Variants in MYO15A observed in about 807,000 individuals in gnomAD.
MYO15A encodes unconventional myosin-XV.
In MYO15A, 308 loss-of-function variants were observed where a neutral mutation model predicts 394.6. That is an observed-to-expected ratio of 0.78 (90% CI 0.71 to 0.86). The LOEUF (loss-of-function observed/expected upper bound fraction) is 0.86. MYO15A is among the 40% of genes least tolerant of loss of function. MYO15A has a pLI of 0.00. For synonymous variants in MYO15A, 1,957 were observed against 2,003.8 expected (o/e 0.98, Z 0.62); for missense variants, 4,606 against 4,799.1 (o/e 0.96, Z 1.19).
chr17:18,150,678 C>T lies in MYO15A; in HGVS notation c.7328-20C>T. The T allele has an allele frequency of 6.3e-7, 1 of 1,589,912 alleles. No individual in the cohort carries two copies. Among genetic ancestry groups the T allele is most frequent in the Non-Finnish European group, 8.6e-7 (1 of 1,166,824 alleles). On this transcript the variant is annotated intron_variant, in intron 36 of 65. Transcript: ENST00000647165. The surrounding 1 kb of genome is among the most constrained non-coding windows in gnomAD (Gnocchi z 4.4). ...AGGGCATCTCCGGTGCCATCTGTGC[C>T]TTCTGCCCCCTCCCCTCAGTCCCAG...
At chr17:18,124,975 T>C in intron 3 of MYO15A, 193 bp from the exon 4 acceptor site, 1 of 645,350 alleles carries the variant, frequency 1.5e-6, no homozygotes, top group Admixed American at 2.4e-5. Flanking sequence ...ATGATTATCA[T>C]ACCCATTGGA....
chr17:18,156,087 AG>A, intron 47 of MYO15A, 107 bp from the exon 48 acceptor site: 1 of 1,565,018 alleles, frequency 6.4e-7, no homozygotes, highest in South Asian at 1.1e-5. Flanking sequence ...AATGGGGCCA[AG>A]GTGGGGCTGG....
rs779027265 is a variant in MYO15A, at chr17:18,140,585, C to T, written c.5280C>T (p.Ser1760=). ...AAPQRLGKSS[S]VTRLYKAHTV... ...CTCAGCGCCTGGGCAAGAGCAGCTC[C>T]GTCACTCGGCTCTACAAGGCGCACA... The change falls in exon 20 of 66, where the codon TCC becomes TCT. Residue 1760 remains serine (S), a synonymous_variant. Coordinates refer to ENST00000647165, the MANE Select transcript of MYO15A (RefSeq NM_016239.4). The T allele has an allele frequency of 1.2e-5, 20 of 1,613,744 alleles. No individual in the cohort carries two copies. The highest frequency in any genetic ancestry group is 1.4e-5 in the Non-Finnish European group (17 of 1,180,038).
At chr17:18,178,373 A>G (rs1215384989) in intron 65 of MYO15A, 1 of 312,712 alleles carries the variant, frequency 3.2e-6, no homozygotes, top group Non-Finnish European at 6.3e-6. Context: ...CATCTAGGAA[A>G]AAAAAAAAAA....
chr17:18,172,039 A>G, intron 63 of MYO15A, 118 bp from the exon 64 acceptor site: 1 of 1,554,508 alleles, frequency 6.4e-7, no homozygotes, highest in Non-Finnish European at 8.8e-7. Flanking sequence ...GAGGAGACCC[A>G]GACCAAGGGC....
Position 18,122,259 on chromosome 17 carries a change from C to A in MYO15A, c.3459C>A (p.Arg1153=). 6.2e-7 allele frequency: 1 copy of A among 1,613,178 alleles called. No homozygotes were observed. Among genetic ancestry groups the A allele is most frequent in the South Asian group, 1.1e-5 (1 of 91,092 alleles). Residue 1153 remains arginine, a synonymous_variant, in exon 2 of 66, where the codon CGC becomes CGA. Coordinates refer to ENST00000647165, the MANE Select transcript of MYO15A (RefSeq NM_016239.4). ...QDPKPRACSL[R]WSCLWLRADA... ...CCAAGCCAAGAGCCTGTAGTCTTCGCTGGTCCTGCCTCTGGCTTCGGGCAG... is the reference window on the plus strand; with the variant it reads ...CCAAGCCAAGAGCCTGTAGTCTTCGATGGTCCTGCCTCTGGCTTCGGGCAG...
intron 5 of MYO15A, 26 bp downstream of exon 5, chr17:18,126,482 G>A: frequency 1.9e-6 from 3 of 1,593,612 alleles, no homozygotes; most frequent in Non-Finnish European, 2.6e-6. Context: ...GCGCTGCCCT[G>A]GGGTCTCTTG....
chr17:18,163,806 A>G lies in MYO15A; in HGVS notation c.9755A>G (p.Asn3252Ser), dbSNP rs750974612. ...GCTCTGACACGCCCTGAGGCCTTCA[A>G]TGAATATGTTATCTTCGTTGTCACC... Reference protein sequence around the residue: ...EMALTRPEAFNEYVIFVVTNR... With the variant: ...EMALTRPEAFSEYVIFVVTNR... Residue 3252 changes from asparagine (N) to serine (S), a missense_variant, in exon 60 of 66, where the codon AAT (asparagine) becomes AGT (serine). By Grantham distance (46) the Asn-to-Ser change is conservative. This residue lies in a region of MYO15A where 2,776 missense variants were observed against 3,109.3 expected (regional missense o/e 0.89). Coordinates refer to ENST00000647165, the MANE Select transcript of MYO15A (RefSeq NM_016239.4). 49 of 1,613,944 alleles carry G rather than the reference A, an allele frequency of 3.0e-5. No individual in the cohort carries two copies. The highest frequency in any genetic ancestry group is 6.7e-5 in the African/African-American group (5 of 74,942).
At chr17:18,129,338 C>T (rs2046111013) in intron 7 of MYO15A, among the ~76,000 whole-genome samples, 1 of 152,202 alleles carries the variant, frequency 6.6e-6, no homozygotes, top group Non-Finnish European at 1.5e-5. Flanking sequence ...AACAGAGAAG[C>T]AGCCAACCTG....
rs976064074 is a variant in MYO15A at position 18,179,280 on chromosome 17, C to T, written c.*410C>T. On this transcript the variant is annotated 3_prime_UTR_variant, in exon 66 of 66. Coordinates refer to ENST00000647165, the MANE Select transcript of MYO15A (RefSeq NM_016239.4). ...GGTCTGATGTTGGAATCTGCTCCAA[C>T]TCCACACCCTAGCCCTTACATGTCC... 18 of 327,552 alleles carry T rather than the reference C, an allele frequency of 5.5e-5. No homozygotes were observed. The highest frequency in any genetic ancestry group is 1.0e-4 in the Non-Finnish European group (17 of 167,816). The allele number at this position is 327,552 out of a possible 1,614,324, so 20.3% of individuals were successfully genotyped here. A position where few individuals can be genotyped will look rare whatever the true frequency, so the allele number is the denominator to read the frequency against.
intron 35 of MYO15A, 66 bp downstream of exon 35, chr17:18,149,646 C>A: frequency 6.6e-7 from 1 of 1,509,504 alleles, no homozygotes; most frequent in Non-Finnish European, 9.2e-7. Context: ...AAGTCACACA[C>A]TTGTACAGGG....
intron 24 of MYO15A, 59 bp from the exon 25 acceptor site, chr17:18,142,697 T>G: frequency 1.4e-6 from 2 of 1,479,110 alleles, no homozygotes; most frequent in Non-Finnish European, 1.9e-6. Context: ...CTCTCTACCT[T>G]TTGGTCACCC....
chr17:18,173,449 A>C (rs2046969563), intron 64 of MYO15A: 7 of 365,850 alleles, frequency 1.9e-5, no homozygotes, highest in South Asian at 1.7e-4. Flanking sequence ...TTTAAAAAAG[A>C]GGTGGAGGTG....
Position 18,138,260 on chromosome 17 carries a change from A to C in MYO15A, c.5007+14A>C. 6.2e-7 allele frequency: 1 copy of C among 1,611,024 alleles called. No homozygotes were observed. Among genetic ancestry groups the C allele is most frequent in the Non-Finnish European group, 8.5e-7 (1 of 1,179,910 alleles). On this transcript the variant is annotated intron_variant, in intron 17 of 65. Coordinates refer to ENST00000647165, the MANE Select transcript of MYO15A (RefSeq NM_016239.4). ...TGCTTTCCCCAGGTGAGCCGCAGGC[A>C]CTGTGTGAGCCTAGTCAGGTCACAG... is the stretch of plus-strand genomic sequence containing the variant.
chr17:18,113,797 GACACACACACACACACACACAC>G (rs4025536), intron 1 of MYO15A, among the ~76,000 whole-genome samples: 1 of 138,860 alleles, frequency 7.2e-6, no homozygotes, highest in Non-Finnish European at 1.5e-5. Flanking sequence ...CACCTCCCCT[GACACACACACACACACACACAC>G]ACACACACAC....
At position 18,119,570 on chromosome 17, in the gene MYO15A, A is replaced by T; in HGVS notation, c.770A>T (p.Gln257Leu). 1 of 1,606,510 alleles carries T rather than the reference A, an allele frequency of 6.2e-7. No individual in the cohort carries two copies. The highest frequency in any genetic ancestry group is 8.5e-7 in the Non-Finnish European group (1 of 1,179,940). ...CAGTCACTCCACCGCTACGAGGAGC[A>T]GGAACCCTACCTGGCGGGCCTCGGC... ...DRQSLHRYEE[Q>L]EPYLAGLGPY... The change falls in exon 2 of 66, where the codon CAG (glutamine) becomes CTG (leucine). Residue 257 changes from glutamine to leucine, a missense_variant. This residue lies in a region of MYO15A where 1,830 missense variants were observed against 1,689.7 expected (regional missense o/e 1.08). Coordinates refer to ENST00000647165, the MANE Select transcript of MYO15A (RefSeq NM_016239.4).
chr17:18,158,433 A>G (rs1231837580), intron 51 of MYO15A, 90 bp from the exon 52 acceptor site: 8 of 1,163,076 alleles, frequency 6.9e-6, no homozygotes, highest in Non-Finnish European at 1.0e-5. Flanking sequence ...ATCTGGGTCC[A>G]GTCAGCTAGG....
chr17:18,141,657 T>G lies in MYO15A; in HGVS notation c.5536T>G (p.Cys1846Gly), dbSNP rs1216991640. 1 of 1,613,952 alleles carries G rather than the reference T, an allele frequency of 6.2e-7. No homozygotes were observed. Among genetic ancestry groups the G allele is most frequent in the Admixed American group, 1.7e-5 (1 of 60,018 alleles). ...LPFQGFIDRYCCLVALKHDLP... is the reference protein window; with the variant it reads ...LPFQGFIDRYGCLVALKHDLP... Reference sequence around the variant, plus strand: ...TAACTTTGGGCCCCCTACCAGGTACTGCTGTCTAGTGGCCCTCAAGCATGA... The same window carrying G: ...TAACTTTGGGCCCCCTACCAGGTACGGCTGTCTAGTGGCCCTCAAGCATGA... Residue 1846 changes from cysteine (C) to glycine (G), a missense_variant, in exon 23 of 66, where the codon TGC (cysteine) becomes GGC (glycine). This residue lies in a region of MYO15A where 2,776 missense variants were observed against 3,109.3 expected (regional missense o/e 0.89). Coordinates refer to ENST00000647165, the MANE Select transcript of MYO15A (RefSeq NM_016239.4).
chr17:18,119,674 C>T lies in MYO15A; in HGVS notation c.874C>T (p.Pro292Ser). The change falls in exon 2 of 66, where the codon CCC becomes TCC. Residue 292 changes from proline (P) to serine (S), a missense_variant. Physicochemically the swap from Pro to Ser is moderately conservative, Grantham distance 74. This residue lies in a region of MYO15A where 1,830 missense variants were observed against 1,689.7 expected (regional missense o/e 1.08). Transcript: ENST00000647165. ...PPEDPYDYYH[P>S]DYYGGPFDPG... Reference sequence around the variant, plus strand: ...CGAGGATCCCTACGACTACTACCACCCCGACTATTACGGTGGCCCCTTTGA... The same window carrying T: ...CGAGGATCCCTACGACTACTACCACTCCGACTATTACGGTGGCCCCTTTGA... The T allele has an allele frequency of 6.2e-7, 1 of 1,607,094 alleles. No homozygotes were observed. Among genetic ancestry groups the T allele is most frequent in the East Asian group, 2.2e-5 (1 of 44,866 alleles).
Sources: gnomAD v4.1 joint callset for allele counts (sites outside exome capture counted in the v4.1 genomes callset) on GRCh38, gnomAD v4.1.1 for gene constraint, gnomAD v4.1.1 regional missense constraint, Gnocchi (gnomAD v3.1) non-coding constraint, MANE v1.5 for transcripts, NCBI Gene and HGNC (gene_info 2026-07-23, HGNC 2026-07-21) for gene names.